IRF8: variants seen among roughly 807,000 people sequenced by gnomAD.
The protein encoded by IRF8 is interferon regulatory factor 8.
Under a neutral mutation model 48.7 loss-of-function variants are expected in IRF8, and 14 were observed. The ratio of observed to expected loss-of-function variants is 0.29; its 90% confidence interval spans 0.19 to 0.45. The LOEUF (loss-of-function observed/expected upper bound fraction) is 0.45. Ranked by LOEUF, IRF8 falls within the 20% of genes least tolerant of loss-of-function variation. IRF8 has a pLI of 1.00. For missense variants in IRF8, 493 were observed against 580.7 expected, an observed-to-expected ratio of 0.85 and a Z score of 1.55; for synonymous variants, 278 against 227.3, an observed-to-expected ratio of 1.22 and a Z score of -2.01.
chr16:85,920,260 T>G (rs77848033), intron 8 of IRF8, 36 bp downstream of exon 8: 1 of 1,273,812 alleles, frequency 7.9e-7, no homozygotes, highest in Non-Finnish European at 1.1e-6. Flanking sequence ...TTTTTTTTTT[T>G]TTTTGAGATG....
intron 6 of IRF8, among the ~76,000 whole-genome samples, chr16:85,917,748 A>G (rs8054065): frequency 0.5 from 76,506 of 151,992 alleles, 19,652 homozygotes; most frequent in African/African-American, 0.56. Flanking sequence ...CAGAGGTTGG[A>G]AGAATATTGA....
intron 1 of IRF8, among the ~76,000 whole-genome samples, chr16:85,901,628 A>G (rs1259771830): frequency 2.6e-5 from 4 of 152,144 alleles, no homozygotes; most frequent in Non-Finnish European, 4.4e-5. Flanking sequence ...TAAAGAAAAA[A>G]AAATTGAACT....
intron 6 of IRF8, 58 bp downstream of exon 6, chr16:85,914,578 T>C: frequency 6.2e-7 from 1 of 1,601,044 alleles, no homozygotes; most frequent in Admixed American, 1.7e-5. Context: ...AAAGCCCAGA[T>C]AACCCAAGCA....
chr16:85,899,538 G>A (rs562313650), intron 1 of IRF8, among the ~76,000 whole-genome samples: 2 of 152,302 alleles, frequency 1.3e-5, no homozygotes, highest in East Asian at 1.9e-4. Flanking sequence ...AACGGCAATA[G>A]CAACCCCCTA....
intron 6 of IRF8, among the ~76,000 whole-genome samples, chr16:85,916,351 G>C (rs888904370): frequency 6.6e-6 from 1 of 152,238 alleles, no homozygotes; most frequent in Admixed American, 6.5e-5. Context: ...GGGTGTCTTT[G>C]TTGCTGCCTC....
intron 3 of IRF8, 135 bp downstream of exon 3, chr16:85,909,308 G>C: frequency 2.7e-6 from 2 of 743,774 alleles, no homozygotes; most frequent in Non-Finnish European, 4.7e-6. Context: ...TCTCTCCTTC[G>C]TGTAAGCAGA....
intron 6 of IRF8, among the ~76,000 whole-genome samples, chr16:85,916,343 G>T (rs1905304738): frequency 1.3e-5 from 2 of 152,226 alleles, no homozygotes; most frequent in Admixed American, 1.3e-4. Context: ...TGTGCTGCGG[G>T]TGTCTTTGTT....
rs10514611 is a variant in IRF8, at chr16:85,921,636, C to T, written c.*354C>T. The T allele has an allele frequency of 0.22, 61,269 of 279,678 alleles. 6,989 individuals are homozygous for T. The highest frequency in any genetic ancestry group is 0.24 in the African/African-American group (10,767 of 45,290). 17.3% of individuals were successfully genotyped at this position (279,678 alleles called of 1,614,324 possible). A position where few individuals can be genotyped will look rare whatever the true frequency, so the allele number is the denominator to read the frequency against. ...CAGTAATATTAGCAGATAGCTGCTTCGATAAAGGAATTTGGAGTTTAAAAA... is the reference window on the plus strand; with the variant it reads ...CAGTAATATTAGCAGATAGCTGCTTTGATAAAGGAATTTGGAGTTTAAAAA... On this transcript the variant is annotated 3_prime_UTR_variant, in exon 9 of 9. Coordinates refer to ENST00000268638, the MANE Select transcript of IRF8 (RefSeq NM_002163.4).
At chr16:85,920,517 C>G (rs1263935434) in intron 8 of IRF8, among the ~76,000 whole-genome samples, 1 of 152,118 alleles carries the variant, frequency 6.6e-6, no homozygotes, top group South Asian at 2.1e-4. Context: ...GGATTACAGG[C>G]GTGAGCCACC....
chr16:85,900,209 G>T (rs578121250), intron 1 of IRF8, among the ~76,000 whole-genome samples: 1 of 152,184 alleles, frequency 6.6e-6, no homozygotes, highest in Admixed American at 6.5e-5. Context: ...GGGAGAGGGT[G>T]GGGTCTGCTG....
Position 85,922,271 on chromosome 16 carries a change from G to C in IRF8, c.*989G>C, listed in dbSNP as rs1905606992. On this transcript the variant is annotated 3_prime_UTR_variant, in exon 9 of 9. Coordinates refer to ENST00000268638, the MANE Select transcript of IRF8 (RefSeq NM_002163.4). ...GAGTTTCCGGTTTAAAATCTGAAAA[G>C]CCAGATATGCCTGTTTCCTTTTCCC... 6.6e-6 allele frequency: 1 copy of C among 152,370 alleles called. No homozygotes were observed. Among genetic ancestry groups the C allele is most frequent in the Non-Finnish European group, 1.5e-5 (1 of 68,036 alleles). 9.4% of individuals were successfully genotyped at this position (152,370 alleles called of 1,614,324 possible).
chr16:85,900,016 G>A (rs1904779250), intron 1 of IRF8, among the ~76,000 whole-genome samples: 1 of 152,192 alleles, frequency 6.6e-6, no homozygotes, highest in Admixed American at 6.5e-5. Context: ...AGAACTGGTA[G>A]TTAAAATGAC....
At chr16:85,910,811 G>T (rs768684126) in intron 3 of IRF8, among the ~76,000 whole-genome samples, 13 of 152,188 alleles carry the variant, frequency 8.5e-5, no homozygotes, top group Non-Finnish European at 1.6e-4. Context: ...TTAATCTATC[G>T]AAATGGAATC....
chr16:85,903,340 C>G, intron 2 of IRF8, 151 bp downstream of exon 2: 1 of 725,702 alleles, frequency 1.4e-6, no homozygotes, highest in Non-Finnish European at 2.3e-6. Flanking sequence ...CTGAATGTGT[C>G]TCAGACATGT....
chr16:85,918,642 G>A lies in IRF8; in HGVS notation c.827G>A (p.Arg276His), dbSNP rs746036448. The A allele has an allele frequency of 5.4e-5, 87 of 1,609,026 alleles. No individual in the cohort carries two copies. The highest frequency in any genetic ancestry group is 6.8e-5 in the Non-Finnish European group (80 of 1,179,610). ...VTRKLFGHLE[R>H]GVLLHSSRQG... ...CGGAAGCTGTTCGGGCACCTGGAGC[G>A]CGGGGTGCTGCTGCACAGCAGCCGG... The change falls in exon 7 of 9, where the codon CGC (arginine) becomes CAC (histidine). Residue 276 changes from arginine (R) to histidine (H), a missense_variant. By Grantham distance (29) the Arg-to-His change is conservative. Transcript: ENST00000268638.
chr16:85,908,620 G>A (rs531041982), intron 2 of IRF8, among the ~76,000 whole-genome samples: 2 of 152,354 alleles, frequency 1.3e-5, no homozygotes, highest in South Asian at 4.1e-4. Flanking sequence ...ACGCTCTGGT[G>A]AAACCATATG....
At chr16:85,920,073 C>T (rs376193039) in intron 7 of IRF8, 36 bp from the exon 8 acceptor site, 6 of 1,520,068 alleles carry the variant, frequency 3.9e-6, no homozygotes, top group Non-Finnish European at 3.7e-6. Context: ...TCATCTCGGC[C>T]TTGCTTGCAA....
intron 2 of IRF8, 23 bp from the exon 3 acceptor site, chr16:85,908,967 T>G: frequency 6.2e-7 from 1 of 1,609,068 alleles, no homozygotes; most frequent in Non-Finnish European, 8.5e-7. Context: ...ATGAATTTAA[T>G]GTGCTTCTGT....
At position 85,921,543 on chromosome 16, in the gene IRF8, CATT is replaced by C; in HGVS notation, c.*264_*266del. 2.0e-6 allele frequency: 1 copy of C among 493,268 alleles called. No homozygotes were observed. The highest frequency in any genetic ancestry group is 3.7e-6 in the Non-Finnish European group (1 of 270,572). The allele number at this position is 493,268 out of a possible 1,614,324, so 30.6% of individuals were successfully genotyped here. ...ATTTTATTTTCTATCCTTTACCCGT[CATT>C]ATCATTAGTTGCTATGATTCTTTCT... On this transcript the variant is annotated 3_prime_UTR_variant, in exon 9 of 9. Coordinates refer to ENST00000268638, the MANE Select transcript of IRF8 (RefSeq NM_002163.4).
Sources: allele counts gnomAD v4.1 joint callset (sites outside exome capture counted in the v4.1 genomes callset), GRCh38; gene constraint gnomAD v4.1.1; transcripts MANE v1.5; gene names NCBI Gene and HGNC (gene_info 2026-07-23, HGNC 2026-07-21).